The following SREK1 variants were observed in gnomAD, a reference collection of about 807,000 sequenced individuals.
The protein encoded by SREK1 is splicing regulatory glutamic acid and lysine rich protein 1.
In SREK1, 13 loss-of-function variants were observed where a neutral mutation model predicts 66.5. The ratio of observed to expected loss-of-function variants is 0.20; its 90% CI spans 0.13 to 0.31. The LOEUF is 0.31. SREK1 is among the 10% of genes least tolerant of loss of function. The pLI is 1.00. For synonymous variants in SREK1, 265 were observed against 263.5 expected (o/e 1.01, Z -0.05); for missense variants, 607 against 769.6 (o/e 0.79, Z 2.50).
chr5:66,158,548 C>T (rs1019292510), intron 2 of SREK1: 15 of 188,674 alleles, frequency 8.0e-5, no homozygotes, highest in Non-Finnish European at 1.6e-4. Context: ...CTTCCTTTTA[C>T]GTTGAAGTTG....
In SREK1 at chr5:66,144,331, C is replaced by A; in HGVS notation, c.-46C>A. On this transcript the variant is annotated 5_prime_UTR_variant, in exon 1 of 12. Transcript: ENST00000334121. The stretch of plus-strand genomic sequence containing the variant: ...CGCTTTCCCGGCTCCGTCGCTGACG[C>A]GTCGTAGACGTTGGGGAGCGGGAAG... 2 of 1,417,484 alleles carry A rather than the reference C, an allele frequency of 1.4e-6. No individual in the cohort carries two copies. The highest frequency in any genetic ancestry group is 1.9e-6 in the Non-Finnish European group (2 of 1,050,638). 87.8% of individuals were successfully genotyped at this position (1,417,484 alleles called of 1,614,324 possible). A position where few individuals can be genotyped will look rare whatever the true frequency, so the allele number is the denominator to read the frequency against.
At chr5:66,159,430 C>A in intron 3 of SREK1, 96 bp downstream of exon 3, 24 of 625,968 alleles carry the variant, frequency 3.8e-5, no homozygotes, top group East Asian at 5.1e-5. Flanking sequence ...GGATCTTCTT[C>A]TTTTTTTTTT....
intron 10 of SREK1, among the ~76,000 whole-genome samples, chr5:66,175,404 A>G (rs1441777278): frequency 6.6e-6 from 1 of 152,166 alleles, no homozygotes. Flanking sequence ...CACTTAACTT[A>G]CCAGGTCAGA....
At chr5:66,153,346 A>T in intron 1 of SREK1, 117 bp from the exon 2 acceptor site, 1 of 1,315,288 alleles carries the variant, frequency 7.6e-7, no homozygotes, top group Non-Finnish European at 1.0e-6. Context: ...AATAACAAAA[A>T]GTTTTAAAGT....
At chr5:66,168,642 G>T (rs141779616) in intron 7 of SREK1, 74 of 152,264 alleles carry the variant, frequency 4.9e-4, no homozygotes, top group African/African-American at 1.8e-3. Flanking sequence ...CTCCCAGAGT[G>T]CTGGGATTAC....
At chr5:66,157,487 C>G in intron 2 of SREK1, 1 of 985,182 alleles carries the variant, frequency 1.0e-6, no homozygotes, top group Non-Finnish European at 1.2e-6. Context: ...CAAGAATGTT[C>G]AGGTTTTACA....
intron 5 of SREK1, chr5:66,163,485 TATC>T (rs1308328132): frequency 9.2e-6 from 2 of 216,300 alleles, no homozygotes; most frequent in African/African-American, 4.7e-5. Context: ...TTCATATTGG[TATC>T]AACATTTTAA....
At chr5:66,154,938 AAAG>A (rs1233518421) in intron 2 of SREK1, among the ~76,000 whole-genome samples, 1 of 152,218 alleles carries the variant, frequency 6.6e-6, no homozygotes, top group African/African-American at 2.4e-5. Context: ...GCATGGGAAA[AAAG>A]AAATCAGGTA....
intron 2 of SREK1, chr5:66,155,935 C>G: frequency 7.5e-7 from 1 of 1,330,748 alleles, no homozygotes; most frequent in Middle Eastern, 2.3e-4. Flanking sequence ...GAAAAAGATA[C>G]GGTCAAACAT....
intron 1 of SREK1, 190 bp downstream of exon 1, chr5:66,144,727 G>C (rs1365548190): frequency 1.5e-6 from 2 of 1,293,884 alleles, no homozygotes; most frequent in African/African-American, 3.1e-5. Context: ...GATTTGGGGG[G>C]TTAACTACTG....
intron 7 of SREK1, chr5:66,169,795 G>T: frequency 4.2e-6 from 1 of 235,410 alleles, no homozygotes. Flanking sequence ...ATACTGATTT[G>T]AGGCATAAAA....
chr5:66,172,824 ATTTTTTTTTTTTT>A (rs762670649), intron 9 of SREK1, among the ~76,000 whole-genome samples: 2 of 118,234 alleles, frequency 1.7e-5, no homozygotes, highest in Non-Finnish European at 3.4e-5. Flanking sequence ...ATTTCTTTGA[ATTTTTTTTTTTTT>A]TTTTTTTTTT....
intron 1 of SREK1, among the ~76,000 whole-genome samples, chr5:66,152,854 C>G (rs556013485): frequency 6.6e-5 from 10 of 152,264 alleles, no homozygotes; most frequent in Middle Eastern, 3.4e-3. Context: ...TTTTTAGTAT[C>G]GGCCTGCCTG....
In SREK1 at chr5:66,179,405, A is replaced by G. The variant is rs1252607824; in HGVS notation, c.*537A>G. The G allele has an allele frequency of 1.3e-5, 2 of 152,540 alleles. No individual in the cohort carries two copies. The highest frequency in any genetic ancestry group is 1.5e-5 in the Non-Finnish European group (1 of 67,984). 9.4% of individuals were successfully genotyped at this position (152,540 alleles called of 1,614,324 possible). A position where few individuals can be genotyped will look rare whatever the true frequency, so the allele number is the denominator to read the frequency against. ...GGACTTGTGATTGTGTTAAATTCTCACTATTGTGTTTTCTTTTGCTCACTG... is the reference window on the plus strand; with the variant it reads ...GGACTTGTGATTGTGTTAAATTCTCGCTATTGTGTTTTCTTTTGCTCACTG... On this transcript the variant is annotated 3_prime_UTR_variant, in exon 12 of 12. Transcript: ENST00000334121.
chr5:66,151,576 T>C (rs1743810461), intron 1 of SREK1, among the ~76,000 whole-genome samples: 2 of 152,172 alleles, frequency 1.3e-5, no homozygotes, highest in South Asian at 4.1e-4. Flanking sequence ...ACTTACTTAG[T>C]GACCATCAAG....
chr5:66,171,512 G>A (rs966340332), intron 9 of SREK1, among the ~76,000 whole-genome samples: 1 of 152,150 alleles, frequency 6.6e-6, no homozygotes, highest in African/African-American at 2.4e-5. Flanking sequence ...AGTTGCCATA[G>A]TAACAGCTGT....
intron 6 of SREK1, 46 bp downstream of exon 6, chr5:66,163,968 G>GA: frequency 6.3e-7 from 1 of 1,586,644 alleles, no homozygotes; most frequent in Non-Finnish European, 8.6e-7. Flanking sequence ...AAAGATCATA[G>GA]ACTCTTAGAA....
intron 1 of SREK1, 36 bp downstream of exon 1, chr5:66,144,573 GC>G (rs1320172807): frequency 2.6e-6 from 4 of 1,532,366 alleles, no homozygotes; most frequent in Non-Finnish European, 3.5e-6. Flanking sequence ...AGGGGCGCGG[GC>G]GCCATAGAGA....
chr5:66,171,805 A>T (rs1007659848), intron 9 of SREK1, among the ~76,000 whole-genome samples: 1 of 152,202 alleles, frequency 6.6e-6, no homozygotes, highest in South Asian at 2.1e-4. Context: ...GTAGACATTT[A>T]TTGTGCACTT....
Sources: gnomAD v4.1 joint callset for allele counts (sites outside exome capture counted in the v4.1 genomes callset) on GRCh38, gnomAD v4.1.1 for gene constraint, MANE v1.5 for transcripts, NCBI Gene and HGNC (gene_info 2026-07-23, HGNC 2026-07-21) for gene names.